Variants in NWD2 observed in about 807,000 individuals in gnomAD.
NWD2 encodes NACHT and WD repeat domain containing 2, also known as NACHT and WD repeat domain-containing protein 2.
NWD2 carries 37 observed loss-of-function variants against 132.7 expected under a neutral mutation model. That is an observed-to-expected ratio of 0.28 (90% CI 0.21 to 0.37). The LOEUF (loss-of-function observed/expected upper bound fraction) is 0.37, where lower values mean the gene tolerates loss of function less well. Ranked by LOEUF, NWD2 falls within the 10% of genes least tolerant of loss-of-function variation. The pLI is 1.00. For missense variants in NWD2, 1,592 were observed against 2,122.4 expected, an observed-to-expected ratio of 0.75 and a Z score of 4.91; for synonymous variants, 705 against 803.0, an observed-to-expected ratio of 0.88 and a Z score of 2.06.
intron 3 of NWD2, among the ~76,000 whole-genome samples, chr4:37,371,345 G>A (rs1720227224): frequency 6.6e-6 from 1 of 151,874 alleles, no homozygotes; most frequent in Non-Finnish European, 1.5e-5. Flanking sequence ...CAAAGTGCTG[G>A]GATTACAGGC....
chr4:37,444,789 A>C lies in NWD2; in HGVS notation c.2801A>C (p.Glu934Ala), dbSNP rs1450014049. The change falls in exon 7 of 7, where the codon GAG (glutamate) becomes GCG (alanine). Residue 934 changes from glutamate to alanine, a missense_variant. By Grantham distance (107) the Glu-to-Ala change is moderately radical (BLOSUM62 -1). Around this residue, in one of 7 missense-constraint regions of NWD2, gnomAD observed 1,071 missense variants for 1,398.0 expected, o/e 0.77. Coordinates refer to ENST00000309447, the MANE Select transcript of NWD2 (RefSeq NM_001144990.2). This position sits in a 1 kb window ranked among gnomAD's most constrained non-coding sequence, Gnocchi z 4.8. ...CCCAAACTTAGACATCTTCTTTTAG[A>C]GTGTGATAAAGATGGGCCCAAATAT... ...SLPKLRHLLL[E>A]CDKDGPKYCS... The C allele has an allele frequency of 1.5e-5, 23 of 1,551,946 alleles. No homozygotes were observed. The highest frequency in any genetic ancestry group is 2.0e-5 in the Non-Finnish European group (23 of 1,147,068).
At chr4:37,419,742 C>T (rs1026073103) in intron 3 of NWD2, among the ~76,000 whole-genome samples, 3 of 152,130 alleles carry the variant, frequency 2.0e-5, no homozygotes, top group Admixed American at 1.3e-4. Context: ...AGCAGACTTA[C>T]GTACCACACA....
At chr4:37,261,484 G>GCATGC in intron 1 of NWD2, among the ~76,000 whole-genome samples, 1 of 152,188 alleles carries the variant, frequency 6.6e-6, no homozygotes, top group East Asian at 1.9e-4. Flanking sequence ...ATAAAAGTAG[G>GCATGC]CATGCCTTCT....
rs17422084 is a variant in NWD2, at chr4:37,446,677, C to T, written c.4689C>T (p.Ala1563=). The T allele has an allele frequency of 0.033, 50,474 of 1,550,448 alleles. 930 individuals carry two copies. Among genetic ancestry groups the T allele is most frequent in the Middle Eastern group, 0.077 (464 of 5,992 alleles). Residue 1563 remains alanine (A), a synonymous_variant, in exon 7 of 7, where the codon GCC becomes GCT. Transcript: ENST00000309447. This position sits in a 1 kb window ranked among gnomAD's most constrained non-coding sequence, Gnocchi z 6.7. Reference sequence around the variant, plus strand: ...GTGGTAAATTGCGGGTGGTTCACGCCTCTGGGATCATCTGGCGGCAGAGGT... The same window carrying T: ...GTGGTAAATTGCGGGTGGTTCACGCTTCTGGGATCATCTGGCGGCAGAGGT... The part of the protein sequence containing the change: ...LYSGKLRVVH[A]SGIIWRQRLS...
chr4:37,291,977 G>A (rs1363203674), intron 1 of NWD2, among the ~76,000 whole-genome samples: 1 of 152,150 alleles, frequency 6.6e-6, no homozygotes, highest in East Asian at 1.9e-4. Context: ...AGATATGGAA[G>A]CTCCTGAAGT....
intron 3 of NWD2, among the ~76,000 whole-genome samples, chr4:37,421,708 G>A (rs1044880368): frequency 5.3e-5 from 8 of 152,160 alleles, no homozygotes; most frequent in African/African-American, 1.9e-4. Flanking sequence ...TGACTTGACC[G>A]CCTCATTTTA....
intron 1 of NWD2, among the ~76,000 whole-genome samples, chr4:37,324,936 G>A (rs2109287336): frequency 6.6e-6 from 1 of 152,296 alleles, no homozygotes; most frequent in African/African-American, 2.4e-5. Context: ...GGTTATCTTT[G>A]TTATAAATGT....
chr4:37,276,905 C>T (rs909135829), intron 1 of NWD2, among the ~76,000 whole-genome samples: 1 of 151,666 alleles, frequency 6.6e-6, no homozygotes, highest in Non-Finnish European at 1.5e-5. Context: ...AACACCACAT[C>T]TTCTCACTCA....
At chr4:37,400,528 C>A (rs553300424) in intron 3 of NWD2, among the ~76,000 whole-genome samples, 3 of 152,250 alleles carry the variant, frequency 2.0e-5, no homozygotes, top group African/African-American at 7.2e-5. Flanking sequence ...CTGATTCTTG[C>A]CCATGTTCAG....
At chr4:37,353,792 G>T (rs1719817100) in intron 2 of NWD2, among the ~76,000 whole-genome samples, 1 of 151,990 alleles carries the variant, frequency 6.6e-6, no homozygotes, top group South Asian at 2.1e-4. Flanking sequence ...GTTGGAACAT[G>T]CTCCTTTAGC....
intron 1 of NWD2, among the ~76,000 whole-genome samples, chr4:37,276,490 G>C (rs1424964138): frequency 6.6e-5 from 10 of 152,154 alleles, no homozygotes; most frequent in African/African-American, 9.7e-5. Context: ...TTACACTGTT[G>C]GTGGGAACAT....
intron 3 of NWD2, among the ~76,000 whole-genome samples, chr4:37,406,078 T>A (rs1018811356): frequency 2.0e-5 from 3 of 152,208 alleles, no homozygotes; most frequent in Non-Finnish European, 4.4e-5. Flanking sequence ...AAACAAGAAG[T>A]CACGTTAAGT....
chr4:37,358,168 A>G (rs891539708), intron 3 of NWD2, among the ~76,000 whole-genome samples: 4 of 152,192 alleles, frequency 2.6e-5, no homozygotes, highest in African/African-American at 9.7e-5. Flanking sequence ...GTAATCTTCA[A>G]GTTGACTTAA....
intron 1 of NWD2, among the ~76,000 whole-genome samples, chr4:37,250,924 T>C (rs1717345565): frequency 6.6e-6 from 1 of 152,204 alleles, no homozygotes; most frequent in Admixed American, 6.5e-5. Context: ...GAATACTGAA[T>C]AGGCAATTGT....
rs573558406 is a variant in NWD2, at chr4:37,324,319, A to AT, written c.152-1610dup. 4.5e-4 allele frequency among the ~76,000 whole-genome samples: 69 copies of AT among 152,084 alleles called. No individual in the cohort carries two copies. In the East Asian group the frequency reaches 9.9e-3, roughly 22 times the overall value. ...TTATTTTATGTACGATTTAGATACC[A>AT]TTTTTTTCAGAATTTCTTAACCCTT... On this transcript the variant is annotated intron_variant, in intron 1 of 6. Transcript: ENST00000309447.
chr4:37,357,017 A>T (rs1448820415), intron 3 of NWD2, among the ~76,000 whole-genome samples: 3 of 152,216 alleles, frequency 2.0e-5, no homozygotes, highest in Non-Finnish European at 4.4e-5. Context: ...ATCGACAGAG[A>T]TATTCCAAGT....
rs61661715 is a variant in NWD2, at chr4:37,365,636, A to T, written c.357+9154A>T. 7.2e-3 allele frequency among the ~76,000 whole-genome samples: 1,095 copies of T among 152,340 alleles called. 11 individuals are homozygous for T. Among genetic ancestry groups the T allele is most frequent in the African/African-American group, 0.026 (1,062 of 41,566 alleles). On this transcript the variant is annotated intron_variant, in intron 3 of 6. Transcript: ENST00000309447. ...ATAGGTTTCAATAATTAGTGACTTG[A>T]TATCACCAAAAGAGCTTTAGAATGG...
At chr4:37,308,226 G>A (rs576579975) in intron 1 of NWD2, among the ~76,000 whole-genome samples, 2 of 152,110 alleles carry the variant, frequency 1.3e-5, no homozygotes, top group African/African-American at 2.4e-5. Context: ...GAACAGTCAC[G>A]TCTTCTAATT....
intron 1 of NWD2, among the ~76,000 whole-genome samples, chr4:37,292,184 A>C (rs895761646): frequency 1.3e-5 from 2 of 152,186 alleles, no homozygotes; most frequent in East Asian, 1.9e-4. Context: ...TAGGCGCTCC[A>C]AAGATCCATG....
Sources: allele counts gnomAD v4.1 joint callset (sites outside exome capture counted in the v4.1 genomes callset), GRCh38; gene constraint gnomAD v4.1.1; regional missense constraint gnomAD v4.1.1; non-coding constraint Gnocchi (gnomAD v3.1); transcripts MANE v1.5; gene names NCBI Gene and HGNC (gene_info 2026-07-23, HGNC 2026-07-21).